The following CNTN3 variants were observed in gnomAD, a reference collection of about 807,000 sequenced individuals.
CNTN3 encodes the protein contactin-3.
In CNTN3, 60 loss-of-function variants were observed where a neutral mutation model predicts 119.1. The observed-to-expected ratio is 0.50, with a 90% CI of 0.41 to 0.62. The LOEUF is 0.62. Among genes scored for constraint, CNTN3 ranks in the 20% least tolerant of loss-of-function variants. The probability of loss-of-function intolerance (pLI) is 0.00; values close to 1 mark genes in which losing one functional copy is unlikely to be tolerated. For missense variants in CNTN3, 1,101 were observed against 1,242.4 expected (o/e 0.89, Z 1.71); for synonymous variants, 450 against 438.7 (o/e 1.03, Z -0.32).
At chr3:74,382,422 A>G (rs867840716) in intron 5 of CNTN3, among the ~76,000 whole-genome samples, 2 of 152,112 alleles carry the variant, frequency 1.3e-5, no homozygotes, top group South Asian at 4.1e-4. Context: ...GTCACTAACT[A>G]CGGTCACCAT....
intron 20 of CNTN3, among the ~76,000 whole-genome samples, chr3:74,282,306 T>C (rs1015886505): frequency 1.3e-5 from 2 of 152,220 alleles, no homozygotes; most frequent in Non-Finnish European, 2.9e-5. Context: ...ATTTAAAGCC[T>C]TGCATACAAA....
At chr3:74,427,673 C>A (rs1701718273) in intron 4 of CNTN3, among the ~76,000 whole-genome samples, 1 of 152,086 alleles carries the variant, frequency 6.6e-6, no homozygotes, top group African/African-American at 2.4e-5. Context: ...AGTGCTTTCC[C>A]CCTCCCCAAC....
At chr3:74,370,220 A>G (rs1422743413) in intron 6 of CNTN3, among the ~76,000 whole-genome samples, 1 of 151,984 alleles carries the variant, frequency 6.6e-6, no homozygotes, top group Non-Finnish European at 1.5e-5. Context: ...TTAGCCTCTA[A>G]CAAAACATCC....
intron 1 of CNTN3, among the ~76,000 whole-genome samples, chr3:74,546,371 A>C (rs1703915852): frequency 6.6e-6 from 1 of 152,204 alleles, no homozygotes; most frequent in Non-Finnish European, 1.5e-5. Flanking sequence ...AATGATGCAA[A>C]GTATTGTTCC....
intron 13 of CNTN3, among the ~76,000 whole-genome samples, chr3:74,307,065 A>G (rs562941659): frequency 6.6e-6 from 1 of 152,256 alleles, no homozygotes; most frequent in African/African-American, 2.4e-5. Flanking sequence ...TTGTCCAGGA[A>G]AAGTGGGTAA....
intron 3 of CNTN3, among the ~76,000 whole-genome samples, chr3:74,496,202 A>C (rs1343350788): frequency 6.6e-6 from 1 of 152,158 alleles, no homozygotes; most frequent in Non-Finnish European, 1.5e-5. Flanking sequence ...CAAGGCCCAC[A>C]TGGGCCACAT....
At chr3:74,562,073 A>G (rs1472764122) in intron 1 of CNTN3, among the ~76,000 whole-genome samples, 2 of 152,160 alleles carry the variant, frequency 1.3e-5, no homozygotes, top group Non-Finnish European at 2.9e-5. Context: ...TAATTCACTT[A>G]AACCCTTGGG....
intron 1 of CNTN3, among the ~76,000 whole-genome samples, chr3:74,572,779 C>T (rs1432201333): frequency 6.6e-6 from 1 of 152,188 alleles, no homozygotes; most frequent in Non-Finnish European, 1.5e-5. Flanking sequence ...TTGCTCTTCC[C>T]CTGATGGCAG....
chr3:74,548,421 G>T (rs1206440840), intron 1 of CNTN3, among the ~76,000 whole-genome samples: 1 of 152,066 alleles, frequency 6.6e-6, no homozygotes, highest in Non-Finnish European at 1.5e-5. Flanking sequence ...ATTATCAAAT[G>T]CTTTTTCAGT....
At chr3:74,354,519 G>A (rs1463297308) in intron 11 of CNTN3, among the ~76,000 whole-genome samples, 2 of 151,912 alleles carry the variant, frequency 1.3e-5, no homozygotes, top group East Asian at 3.9e-4. Flanking sequence ...GTTTTGATTT[G>A]TCTCTTTTGG....
At chr3:74,394,331 T>C (rs913193988) in intron 5 of CNTN3, among the ~76,000 whole-genome samples, 1 of 152,168 alleles carries the variant, frequency 6.6e-6, no homozygotes, top group African/African-American at 2.4e-5. Context: ...TAATTAACCA[T>C]ACAGTCATAG....
intron 1 of CNTN3, among the ~76,000 whole-genome samples, chr3:74,588,029 T>A (rs1704627184): frequency 6.6e-6 from 1 of 152,158 alleles, no homozygotes; most frequent in African/African-American, 2.4e-5. Flanking sequence ...GTCAAAGGCC[T>A]TTTCTGCATC....
intron 4 of CNTN3, among the ~76,000 whole-genome samples, chr3:74,457,214 T>C (rs978277404): frequency 6.6e-6 from 1 of 152,038 alleles, no homozygotes; most frequent in African/African-American, 2.4e-5. Flanking sequence ...CACCATTTAG[T>C]GTAAGAGCAA....
chr3:74,479,886 A>T (rs1702731482), intron 4 of CNTN3, among the ~76,000 whole-genome samples: 2 of 152,116 alleles, frequency 1.3e-5, no homozygotes. Context: ...GACATCCAAA[A>T]ATTTGGCCAA....
At chr3:74,457,378 C>A (rs927070531) in intron 4 of CNTN3, among the ~76,000 whole-genome samples, 3 of 151,898 alleles carry the variant, frequency 2.0e-5, no homozygotes, top group Admixed American at 1.3e-4. Context: ...CTGGTCAAAA[C>A]TTTTTATACT....
At position 74,547,145 on chromosome 3, in the gene CNTN3, G is replaced by A. The variant is rs535674590; in HGVS notation, c.-80-25953C>T. On this transcript the variant is annotated intron_variant, in intron 1 of 22. Coordinates refer to ENST00000263665, the MANE Select transcript of CNTN3 (RefSeq NM_020872.3). ...TACACATACATATATTCATTTACAC[G>A]TACACATTCATGCACAAACATATAC... Among the ~76,000 whole-genome samples, 6 of 151,994 alleles carry A rather than the reference G, an allele frequency of 3.9e-5. No homozygotes were observed. In the South Asian group the frequency reaches 6.2e-4, roughly 16 times the overall value.
chr3:74,289,533 A>G (rs1476968027), intron 19 of CNTN3, among the ~76,000 whole-genome samples: 1 of 152,162 alleles, frequency 6.6e-6, no homozygotes, highest in African/African-American at 2.4e-5. Context: ...ATCACTATAT[A>G]TTACTTCACT....
At chr3:74,432,608 C>T (rs1406905362) in intron 4 of CNTN3, among the ~76,000 whole-genome samples, 1 of 152,150 alleles carries the variant, frequency 6.6e-6, no homozygotes, top group South Asian at 2.1e-4. Flanking sequence ...AAAATCCCAG[C>T]TCAGTGAATG....
chr3:74,489,866 A>C (rs529558314), intron 3 of CNTN3, among the ~76,000 whole-genome samples: 1 of 152,258 alleles, frequency 6.6e-6, no homozygotes, highest in East Asian at 1.9e-4. Context: ...CAATGTATGC[A>C]AAGCTCTCAG....
Sources: gnomAD v4.1 joint callset for allele counts (sites outside exome capture counted in the v4.1 genomes callset) on GRCh38, gnomAD v4.1.1 for gene constraint, MANE v1.5 for transcripts, NCBI Gene and HGNC (gene_info 2026-07-23, HGNC 2026-07-21) for gene names.